GLIS1: variants seen among roughly 807,000 people sequenced by gnomAD.
GLIS1 encodes GLIS family zinc finger 1, also known as zinc finger protein GLIS1.
A neutral mutation model predicts 63.8 loss-of-function variants in GLIS1; 24 were observed. The observed-to-expected ratio is 0.38, with a 90% confidence interval of 0.27 to 0.53. GLIS1 has a LOEUF of 0.53. GLIS1 is among the 20% of genes least tolerant of loss of function. The probability of loss-of-function intolerance (pLI) is 0.85; values close to 1 mark genes in which losing one functional copy is unlikely to be tolerated. For synonymous variants in GLIS1, 450 were observed against 482.5 expected (o/e 0.93, Z 0.88); for missense variants, 1,036 against 1,074.1 (o/e 0.96, Z 0.50).
intron 2 of GLIS1, among the ~76,000 whole-genome samples, chr1:53,608,462 C>T (rs768709610): frequency 1.3e-5 from 2 of 152,128 alleles, no homozygotes; most frequent in Non-Finnish European, 2.9e-5. Flanking sequence ...CTTTTCCCTC[C>T]CTAGTAGGAT....
At chr1:53,730,267 A>G (rs1646847003) in intron 2 of GLIS1, among the ~76,000 whole-genome samples, 1 of 152,206 alleles carries the variant, frequency 6.6e-6, no homozygotes, top group African/African-American at 2.4e-5. Flanking sequence ...CAACTGACAC[A>G]GTGGATCCTG....
rs550947975 is a variant in GLIS1 at position 53,519,931 on chromosome 1, G to C, written c.1726+703C>G. Reference sequence around the variant, plus strand: ...TCCTGGCAGCATGGGCCATCACCAAGGGCACCAGAGCCTCTCTTGCTGATG... The same window carrying C: ...TCCTGGCAGCATGGGCCATCACCAACGGCACCAGAGCCTCTCTTGCTGATG... On this transcript the variant is annotated intron_variant, in intron 7 of 10. Coordinates refer to ENST00000628545, the MANE Select transcript of GLIS1 (RefSeq NM_001367484.1). Among the ~76,000 whole-genome samples the C allele has an allele frequency of 2.0e-5, 3 of 152,320 alleles. No individual in the cohort carries two copies. The South Asian group carries it at 6.2e-4, about 32-fold the overall frequency.
intron 2 of GLIS1, among the ~76,000 whole-genome samples, chr1:53,732,003 C>G (rs986934927): frequency 1.2e-4 from 18 of 152,198 alleles, no homozygotes; most frequent in Non-Finnish European, 5.9e-5. Flanking sequence ...GGCCCACTTG[C>G]AAAGATGCTA....
At chr1:53,732,550 A>C (rs970516680) in intron 2 of GLIS1, among the ~76,000 whole-genome samples, 1 of 152,074 alleles carries the variant, frequency 6.6e-6, no homozygotes, top group African/African-American at 2.4e-5. Flanking sequence ...AACTGCTAGA[A>C]TCATTAGCAC....
intron 4 of GLIS1, among the ~76,000 whole-genome samples, chr1:53,572,731 C>T (rs1303818112): frequency 6.6e-6 from 1 of 152,238 alleles, no homozygotes; most frequent in Non-Finnish European, 1.5e-5. Context: ...GCACAGGAAC[C>T]TATTGGACAC....
intron 2 of GLIS1, chr1:53,733,812 G>A (rs978871299): frequency 3.0e-6 from 2 of 663,714 alleles, no homozygotes; most frequent in South Asian, 6.7e-5. Context: ...GATTATTTCC[G>A]GATCGCAGGA....
At position 53,549,426 on chromosome 1, in the gene GLIS1, T is replaced by A. The variant is rs555552680; in HGVS notation, c.1321-19474A>T. ...CAAGAGTTCCACTTTCTCCACCTCC[T>A]TGTCAACACTCGTTATTGGCATCTC... On this transcript the variant is annotated intron_variant, in intron 4 of 10. Coordinates refer to ENST00000628545, the MANE Select transcript of GLIS1 (RefSeq NM_001367484.1). 2.0e-4 allele frequency among the ~76,000 whole-genome samples: 31 copies of A among 152,360 alleles called. No homozygotes were observed. In the East Asian group the frequency reaches 5.2e-3, roughly 26 times the overall value.
chr1:53,549,815 T>A (rs943090878), intron 4 of GLIS1, among the ~76,000 whole-genome samples: 6 of 152,206 alleles, frequency 3.9e-5, no homozygotes, highest in Admixed American at 3.9e-4. Context: ...CACAACGCCA[T>A]GAGGTAGGTA....
At chr1:53,716,944 C>T (rs1228355433) in intron 2 of GLIS1, among the ~76,000 whole-genome samples, 1 of 152,198 alleles carries the variant, frequency 6.6e-6, no homozygotes, top group Admixed American at 6.5e-5. Flanking sequence ...AATTTCAGAA[C>T]ACGAGAGAGA....
chr1:53,525,354 T>C (rs1289599475), intron 5 of GLIS1, among the ~76,000 whole-genome samples: 3 of 91,384 alleles, frequency 3.3e-5, no homozygotes, highest in Non-Finnish European at 6.8e-5. Flanking sequence ...ACCTTGCAGG[T>C]AGGTGCAGAG....
At chr1:53,525,248 A>T (rs1644453774) in intron 5 of GLIS1, among the ~76,000 whole-genome samples, 1 of 151,656 alleles carries the variant, frequency 6.6e-6, no homozygotes, top group Non-Finnish European at 1.5e-5. Context: ...AGCATTGAGC[A>T]GACAGGGAGT....
Position 53,639,846 on chromosome 1 carries a change from T to C in GLIS1, c.260-39568A>G, listed in dbSNP as rs1389876951. ...GGTTCTGCTTTGCCACTGAGGAAAG[T>C]AGGCAAATGTGGATGTTGTTTAAAA... is the stretch of plus-strand genomic sequence containing the variant. On this transcript the variant is annotated intron_variant, in intron 2 of 10. Coordinates refer to ENST00000628545, the MANE Select transcript of GLIS1 (RefSeq NM_001367484.1). The surrounding 1 kb of genome is among the most constrained non-coding windows in gnomAD (Gnocchi z 4.6). Among the ~76,000 whole-genome samples, 1 of 152,144 alleles carries C rather than the reference T, an allele frequency of 6.6e-6. No homozygotes were observed. Among genetic ancestry groups the C allele is most frequent in the East Asian group, 1.9e-4 (1 of 5,194 alleles).
intron 4 of GLIS1, among the ~76,000 whole-genome samples, chr1:53,555,296 C>T (rs768251246): frequency 3.9e-5 from 6 of 152,070 alleles, no homozygotes; most frequent in African/African-American, 9.7e-5. Flanking sequence ...TTTGGGAGGC[C>T]GAGGCGGGCG....
intron 2 of GLIS1, among the ~76,000 whole-genome samples, chr1:53,629,550 G>C (rs994519937): frequency 1.2e-4 from 18 of 152,180 alleles, no homozygotes; most frequent in African/African-American, 3.6e-4. Context: ...TGGGCATCTT[G>C]TTCCACTCTT....
At chr1:53,551,425 T>C (rs552698408) in intron 4 of GLIS1, among the ~76,000 whole-genome samples, 2 of 152,272 alleles carry the variant, frequency 1.3e-5, no homozygotes, top group Admixed American at 6.5e-5. Flanking sequence ...GGAGGGATAA[T>C]TGCAGGGCAA....
rs1644617519 is a variant in GLIS1, at chr1:53,539,430, C to T, written c.1321-9478G>A. ...CATGAATGCACACCCCACACACACA[C>T]CATACCACACATCACAGCACACCCC... On this transcript the variant is annotated intron_variant, in intron 4 of 10. Transcript: ENST00000628545. The surrounding 1 kb of genome is among the most constrained non-coding windows in gnomAD (Gnocchi z 5.0). Among the ~76,000 whole-genome samples, 1 of 151,140 alleles carries T rather than the reference C, an allele frequency of 6.6e-6. No homozygotes were observed. Among genetic ancestry groups the T allele is most frequent in the African/African-American group, 2.4e-5 (1 of 41,010 alleles).
At chr1:53,662,256 C>T (rs1045759263) in intron 2 of GLIS1, among the ~76,000 whole-genome samples, 6 of 152,094 alleles carry the variant, frequency 3.9e-5, no homozygotes, top group Admixed American at 6.5e-5. Context: ...GGACACTCGG[C>T]AAAGCACTAT....
intron 2 of GLIS1, among the ~76,000 whole-genome samples, chr1:53,629,926 A>G (rs1645634479): frequency 6.6e-6 from 1 of 152,200 alleles, no homozygotes; most frequent in Admixed American, 6.5e-5. Context: ...AGAGATATGT[A>G]TGGTTGACTG....
chr1:53,554,457 G>A (rs1242169482), intron 4 of GLIS1, among the ~76,000 whole-genome samples: 1 of 152,174 alleles, frequency 6.6e-6, no homozygotes, highest in African/African-American at 2.4e-5. Flanking sequence ...TATTCACATA[G>A]GTTAGCTTAT....
Sources: gnomAD v4.1 joint callset for allele counts (sites outside exome capture counted in the v4.1 genomes callset) on GRCh38, gnomAD v4.1.1 for gene constraint, Gnocchi (gnomAD v3.1) non-coding constraint, MANE v1.5 for transcripts, NCBI Gene and HGNC (gene_info 2026-07-23, HGNC 2026-07-21) for gene names.